The following AGBL4 variants were observed in gnomAD, a reference collection of about 807,000 sequenced individuals.
AGBL4 encodes the protein AGBL carboxypeptidase 4, also known as cytosolic carboxypeptidase 6.
AGBL4 carries 58 observed loss-of-function variants against 66.4 expected under a neutral mutation model. That is an observed-to-expected ratio of 0.87 (90% CI 0.71 to 1.09). The LOEUF is 1.09. AGBL4 is among the 50% of genes least tolerant of loss of function. AGBL4 has a pLI of 0.00. For missense variants in AGBL4, 579 were observed against 631.0 expected (o/e 0.92, Z 0.88); for synonymous variants, 234 against 222.9 (o/e 1.05, Z -0.44).
intron 5 of AGBL4, among the ~76,000 whole-genome samples, chr1:48,925,593 C>T (rs573396539): frequency 2.0e-4 from 30 of 152,090 alleles, no homozygotes; most frequent in South Asian, 1.9e-3. Context: ...TATTCTTCTT[C>T]CAATGTGGCC....
At chr1:49,475,842 A>G (rs547137400) in intron 3 of AGBL4, among the ~76,000 whole-genome samples, 1 of 152,146 alleles carries the variant, frequency 6.6e-6, no homozygotes, top group Admixed American at 6.5e-5. Context: ...TGTAGCAAGC[A>G]GTTTATCAAT....
At chr1:48,868,367 C>T (rs1444108457) in intron 5 of AGBL4, among the ~76,000 whole-genome samples, 1 of 152,156 alleles carries the variant, frequency 6.6e-6, no homozygotes, top group Non-Finnish European at 1.5e-5. Flanking sequence ...TTTTAAAATA[C>T]TAACTGTGGT....
At chr1:48,620,938 C>T (rs953291831) in intron 9 of AGBL4, among the ~76,000 whole-genome samples, 3 of 152,092 alleles carry the variant, frequency 2.0e-5, no homozygotes, top group African/African-American at 7.2e-5. Context: ...CAGGTAGAGC[C>T]GGAACTGGAG....
At chr1:48,954,321 T>C (rs1045167748) in intron 5 of AGBL4, among the ~76,000 whole-genome samples, 11 of 152,212 alleles carry the variant, frequency 7.2e-5, no homozygotes, top group African/African-American at 2.7e-4. Flanking sequence ...CTCTAATTTA[T>C]AGGTGAAATA....
chr1:48,534,391 GC>G, intron 13 of AGBL4, 98 bp from the exon 14 acceptor site: 1 of 1,423,598 alleles, frequency 7.0e-7, no homozygotes, highest in Non-Finnish European at 9.3e-7. Context: ...CTGGACTGTA[GC>G]CTCCCAGGAA....
intron 3 of AGBL4, among the ~76,000 whole-genome samples, chr1:49,372,645 TTC>T (rs1214039499): frequency 7.2e-6 from 1 of 139,472 alleles, no homozygotes; most frequent in African/African-American, 3.1e-5. Flanking sequence ...CTTTCTTTCT[TTC>T]TTTCTTTCTT....
chr1:48,964,336 A>G (rs1658247222), intron 5 of AGBL4, among the ~76,000 whole-genome samples: 1 of 149,140 alleles, frequency 6.7e-6, no homozygotes, highest in Non-Finnish European at 1.5e-5. Flanking sequence ...GTGTGCTATA[A>G]TTGCTCCTGT....
At chr1:49,150,845 C>T (rs1004157485) in intron 4 of AGBL4, among the ~76,000 whole-genome samples, 4 of 152,140 alleles carry the variant, frequency 2.6e-5, no homozygotes, top group Admixed American at 2.6e-4. Context: ...GTTTGTTTGC[C>T]TCTTTCCTAT....
At chr1:49,197,128 CCG>C (rs1180170496) in intron 4 of AGBL4, among the ~76,000 whole-genome samples, 5 of 152,146 alleles carry the variant, frequency 3.3e-5, no homozygotes, top group Non-Finnish European at 2.9e-5. Context: ...TGTGCCTGGC[CCG>C]ATGTATGTTG....
chr1:49,878,616 C>G (rs1359069827), intron 1 of AGBL4, among the ~76,000 whole-genome samples: 1 of 152,126 alleles, frequency 6.6e-6, no homozygotes, highest in African/African-American at 2.4e-5. Context: ...TGGTGTGCTG[C>G]TGAAAAAAAT....
At chr1:49,223,804 T>C (rs1387063166) in intron 4 of AGBL4, among the ~76,000 whole-genome samples, 1 of 152,158 alleles carries the variant, frequency 6.6e-6, no homozygotes, top group Non-Finnish European at 1.5e-5. Flanking sequence ...TTTTAGGCAG[T>C]TTTACATCAG....
Position 49,851,293 on chromosome 1 carries a change from T to A in AGBL4, c.157+103A>T, listed in dbSNP as rs148826895. 725 of 1,248,824 alleles carry A rather than the reference T, an allele frequency of 5.8e-4. 17 individuals carry two copies. In the East Asian group the frequency reaches 0.021, roughly 36 times the overall value. 77.4% of individuals were successfully genotyped at this position (1,248,824 alleles called of 1,614,324 possible). A position where few individuals can be genotyped will look rare whatever the true frequency, so the allele number is the denominator to read the frequency against. On this transcript the variant is annotated intron_variant, in intron 2 of 13. Transcript: ENST00000371839. Reference sequence around the variant, plus strand: ...AAACTTGTCCCATTATTGTGAAATATTAAATGAGTTGAATTGCACTGAATG... The same window carrying A: ...AAACTTGTCCCATTATTGTGAAATAATAAATGAGTTGAATTGCACTGAATG...
intron 1 of AGBL4, among the ~76,000 whole-genome samples, chr1:49,923,932 A>T (rs541522655): frequency 1.3e-5 from 2 of 152,368 alleles, no homozygotes; most frequent in African/African-American, 4.8e-5. Context: ...ACCTAAAGAC[A>T]GAACTACCAT....
intron 4 of AGBL4, among the ~76,000 whole-genome samples, chr1:49,119,051 T>C (rs961531049): frequency 5.9e-5 from 9 of 152,244 alleles, no homozygotes; most frequent in African/African-American, 2.2e-4. Context: ...ATATCCTCTT[T>C]ATCATTTTTT....
chr1:49,368,791 C>G (rs780083406), intron 3 of AGBL4, among the ~76,000 whole-genome samples: 6 of 152,064 alleles, frequency 3.9e-5, no homozygotes, highest in Admixed American at 3.3e-4. Context: ...GAAATTGAGG[C>G]TGGCCGGGTG....
chr1:48,944,452 T>C (rs931231666), intron 5 of AGBL4, among the ~76,000 whole-genome samples: 2 of 152,138 alleles, frequency 1.3e-5, no homozygotes, highest in African/African-American at 2.4e-5. Context: ...TTCAGCACCA[T>C]AGACTGTCAG....
At chr1:49,878,722 T>C (rs922210516) in intron 1 of AGBL4, among the ~76,000 whole-genome samples, 1 of 150,898 alleles carries the variant, frequency 6.6e-6, no homozygotes, top group African/African-American at 2.5e-5. Flanking sequence ...CGTTGTTGAC[T>C]TTCTGTCTCG....
At chr1:49,605,602 G>A (rs1210371207) in intron 3 of AGBL4, among the ~76,000 whole-genome samples, 1 of 152,102 alleles carries the variant, frequency 6.6e-6, no homozygotes, top group African/African-American at 2.4e-5. Context: ...AATACATGCA[G>A]CTAAATTTCA....
chr1:49,030,200 C>A (rs189998136), intron 5 of AGBL4, among the ~76,000 whole-genome samples: 1 of 151,978 alleles, frequency 6.6e-6, no homozygotes. Context: ...GGAGGTGGGG[C>A]CTTTGAGAGG....
Sources: allele counts gnomAD v4.1 joint callset (sites outside exome capture counted in the v4.1 genomes callset), GRCh38; gene constraint gnomAD v4.1.1; transcripts MANE v1.5; gene names NCBI Gene and HGNC (gene_info 2026-07-23, HGNC 2026-07-21).